The following EIF4G3 variants were observed in gnomAD, a reference collection of about 807,000 sequenced individuals.
EIF4G3 encodes eukaryotic translation initiation factor 4 gamma 3.
Under a neutral mutation model 186.4 loss-of-function variants are expected in EIF4G3, and 34 were observed. The ratio of observed to expected loss-of-function variants is 0.18; its 90% CI spans 0.14 to 0.24. The LOEUF (loss-of-function observed/expected upper bound fraction) is 0.24. Ranked by LOEUF, EIF4G3 falls within the 10% of genes least tolerant of loss-of-function variation. The pLI, the probability that EIF4G3 is intolerant of heterozygous loss-of-function variation, is 1.00. For missense variants in EIF4G3, 1,536 were observed against 1,948.5 expected (o/e 0.79, Z 3.99); for synonymous variants, 673 against 679.5 (o/e 0.99, Z 0.15).
At chr1:21,120,770 G>C (rs890694122) in intron 2 of EIF4G3, among the ~76,000 whole-genome samples, 1 of 152,146 alleles carries the variant, frequency 6.6e-6, no homozygotes, top group African/African-American at 2.4e-5. Context: ...CACCGAATAT[G>C]AATCTCAACT....
chr1:20,882,433 A>C (rs113695910), intron 19 of EIF4G3, among the ~76,000 whole-genome samples: 165 of 152,128 alleles, frequency 1.1e-3, no homozygotes, highest in African/African-American at 3.9e-3. Context: ...TAGCCTGGTC[A>C]ATGTGGTGAA....
At chr1:21,138,006 C>A (rs992012518) in intron 2 of EIF4G3, among the ~76,000 whole-genome samples, 3 of 152,140 alleles carry the variant, frequency 2.0e-5, no homozygotes, top group African/African-American at 7.2e-5. Flanking sequence ...ATTAACCCAA[C>A]AAATTAAAAC....
chr1:21,083,190 G>A (rs970625946), intron 3 of EIF4G3, among the ~76,000 whole-genome samples: 1 of 151,876 alleles, frequency 6.6e-6, no homozygotes, highest in Non-Finnish European at 1.5e-5. Context: ...TCGATGAGCT[G>A]TAATTATGCC....
chr1:20,991,971 C>T (rs140642680), intron 7 of EIF4G3, among the ~76,000 whole-genome samples: 5 of 152,310 alleles, frequency 3.3e-5, no homozygotes, highest in Non-Finnish European at 5.9e-5. Context: ...TAAAACATCT[C>T]AGTATTATAT....
intron 3 of EIF4G3, among the ~76,000 whole-genome samples, chr1:21,079,836 T>C (rs1414294299): frequency 5.3e-5 from 8 of 151,352 alleles, no homozygotes; most frequent in African/African-American, 1.9e-4. Flanking sequence ...CAAGATCTCA[T>C]CTCTACAAAA....
At chr1:20,948,605 G>A (rs1043846063) in intron 13 of EIF4G3, among the ~76,000 whole-genome samples, 1 of 152,114 alleles carries the variant, frequency 6.6e-6, no homozygotes, top group Non-Finnish European at 1.5e-5. Flanking sequence ...TGTATTAGAA[G>A]TACATCTTTC....
chr1:20,897,642 G>A (rs1029882759), intron 16 of EIF4G3, among the ~76,000 whole-genome samples: 1 of 152,030 alleles, frequency 6.6e-6, no homozygotes, highest in Non-Finnish European at 1.5e-5. Flanking sequence ...GTAGGTTATA[G>A]ACCCGCTGAT....
intron 7 of EIF4G3, among the ~76,000 whole-genome samples, chr1:20,989,770 T>C (rs763382359): frequency 5.9e-5 from 9 of 152,078 alleles, no homozygotes; most frequent in Non-Finnish European, 1.3e-4. Flanking sequence ...ATAAACCTAG[T>C]TGATAAAGCA....
In EIF4G3 at chr1:20,886,036, T is replaced by C. The variant is rs185514064; in HGVS notation, c.2424+165A>G. Among the ~76,000 whole-genome samples, 1,009 of 152,332 alleles carry C rather than the reference T, an allele frequency of 6.6e-3. 4 individuals are homozygous for C. The highest frequency in any genetic ancestry group is 0.012 in the Non-Finnish European group (790 of 68,028). ...ATAAAGCAATTTCAAGAGAAAACAG[T>C]AGGTTGCCTGGCATCCATAATGGCT... On this transcript the variant is annotated intron_variant, in intron 19 of 36. Coordinates refer to ENST00000602326, the MANE Select transcript of EIF4G3 (RefSeq NM_001391906.1).
At chr1:20,967,451 G>C (rs1401646658) in intron 12 of EIF4G3, among the ~76,000 whole-genome samples, 1 of 152,116 alleles carries the variant, frequency 6.6e-6, no homozygotes, top group Non-Finnish European at 1.5e-5. Context: ...CTCACTTCCA[G>C]GGAAGAGACT....
In EIF4G3 at chr1:20,819,944, G is replaced by T. The variant is rs904045173; in HGVS notation, c.4369-2406C>A. Among the ~76,000 whole-genome samples the T allele has an allele frequency of 3.3e-5, 5 of 152,216 alleles. No individual in the cohort carries two copies. In the East Asian group the frequency reaches 9.6e-4, roughly 29 times the overall value. ...CAGAGAGACTGGAGACAGAAAGAAA[G>T]AGAGAGAGACAGAGAGAGAGATACT... On this transcript the variant is annotated intron_variant, in intron 33 of 36. Transcript: ENST00000602326.
intron 19 of EIF4G3, among the ~76,000 whole-genome samples, chr1:20,880,641 C>T (rs906901727): frequency 7.9e-5 from 12 of 152,152 alleles, no homozygotes; most frequent in African/African-American, 2.9e-4. Flanking sequence ...ATCCCAGCTA[C>T]TCGGGAGGCT....
At chr1:20,999,306 A>G in intron 6 of EIF4G3, 1 of 347,462 alleles carries the variant, frequency 2.9e-6, no homozygotes, top group Non-Finnish European at 5.7e-6. Context: ...AAAGAAATTG[A>G]GGTCTTGTAT....
chr1:20,997,654 A>C, intron 6 of EIF4G3, 21 bp from the exon 7 acceptor site: 1 of 1,537,592 alleles, frequency 6.5e-7, no homozygotes, highest in African/African-American at 1.4e-5. Flanking sequence ...GAGGGAAAAC[A>C]AACACAAAAG....
chr1:20,895,357 A>G lies in EIF4G3; in HGVS notation c.2133+11T>C. On this transcript the variant is annotated intron_variant, in intron 17 of 36. Transcript: ENST00000602326. ...CAAAAAGAACTAGTTTTCTCTGAGT[A>G]CGCAGCTTACCTTGTCAAGAACCAC... is the stretch of plus-strand genomic sequence containing the variant. The G allele has an allele frequency of 6.2e-7, 1 of 1,611,466 alleles. No individual in the cohort carries two copies. The highest frequency in any genetic ancestry group is 1.7e-5 in the Admixed American group (1 of 59,710).
At chr1:20,825,478 A>T (rs1437418470) in intron 32 of EIF4G3, among the ~76,000 whole-genome samples, 1 of 152,192 alleles carries the variant, frequency 6.6e-6, no homozygotes, top group Non-Finnish European at 1.5e-5. Flanking sequence ...CACTGATAAA[A>T]AGTTAATCTC....
rs78827746 is a variant in EIF4G3, at chr1:20,814,102, A to T, written c.4516-863T>A. Among the ~76,000 whole-genome samples, 108 of 151,736 alleles carry T rather than the reference A, an allele frequency of 7.1e-4. 1 individual carries two copies. The East Asian group carries it at 0.018, about 25-fold the overall frequency. ...GCTGGGACTACAGGATCCCTGCCTCAGCCTCCCGAGTAGCTGGGACTACTC... is the reference window on the plus strand; with the variant it reads ...GCTGGGACTACAGGATCCCTGCCTCTGCCTCCCGAGTAGCTGGGACTACTC... On this transcript the variant is annotated intron_variant, in intron 34 of 36. Coordinates refer to ENST00000602326, the MANE Select transcript of EIF4G3 (RefSeq NM_001391906.1).
chr1:21,155,486 C>A (rs1030524328), intron 2 of EIF4G3, among the ~76,000 whole-genome samples: 3 of 151,994 alleles, frequency 2.0e-5, no homozygotes, highest in Non-Finnish European at 4.4e-5. Context: ...GTAACTACTG[C>A]CCAGAACCCC....
intron 11 of EIF4G3, 68 bp downstream of exon 11, chr1:20,972,934 C>T (rs543535859): frequency 6.7e-5 from 88 of 1,311,840 alleles, no homozygotes; most frequent in Middle Eastern, 2.2e-4. Flanking sequence ...ATAATGACTA[C>T]GTAAACTTAT....
Sources: allele counts gnomAD v4.1 joint callset (sites outside exome capture counted in the v4.1 genomes callset), GRCh38; gene constraint gnomAD v4.1.1; transcripts MANE v1.5; gene names NCBI Gene and HGNC (gene_info 2026-07-23, HGNC 2026-07-21).